SGCZ: variants seen among roughly 807,000 people sequenced by gnomAD.
The protein encoded by SGCZ is sarcoglycan zeta.
In SGCZ, 40 loss-of-function variants were observed where a neutral mutation model predicts 41.3. That is an observed-to-expected ratio of 0.97 (90% CI 0.75 to 1.26). The LOEUF is 1.26. Among genes scored for constraint, SGCZ ranks in the 50% most tolerant of loss-of-function variants. SGCZ has a pLI of 0.00. For missense variants in SGCZ, 552 were observed against 369.8 expected (o/e 1.49, Z -4.04); for synonymous variants, 206 against 137.5 (o/e 1.50, Z -3.49).
intron 2 of SGCZ, among the ~76,000 whole-genome samples, chr8:14,493,427 C>T (rs1470743430): frequency 8.8e-6 from 1 of 113,596 alleles, no homozygotes; most frequent in African/African-American, 3.4e-5. Context: ...AGTACAGCGG[C>T]ATGATCTCGG....
chr8:14,941,979 T>C (rs1424387976), intron 1 of SGCZ, among the ~76,000 whole-genome samples: 3 of 151,988 alleles, frequency 2.0e-5, no homozygotes, highest in Admixed American at 1.3e-4. Context: ...CTGTTCCATG[T>C]ATATCATCAT....
intron 2 of SGCZ, among the ~76,000 whole-genome samples, chr8:14,443,496 A>G (rs1800335759): frequency 6.6e-6 from 1 of 152,154 alleles, no homozygotes; most frequent in Admixed American, 6.5e-5. Flanking sequence ...GAGCCCTCAG[A>G]AATAACACCG....
At chr8:14,848,343 T>C (rs562937512) in intron 1 of SGCZ, among the ~76,000 whole-genome samples, 24 of 152,284 alleles carry the variant, frequency 1.6e-4, no homozygotes, top group Non-Finnish European at 2.1e-4. Flanking sequence ...TCTGTGGAAA[T>C]TGACAAAATC....
chr8:15,209,753 A>G (rs1032926206), intron 1 of SGCZ, among the ~76,000 whole-genome samples: 1 of 138,022 alleles, frequency 7.2e-6, no homozygotes, highest in Non-Finnish European at 1.6e-5. Flanking sequence ...GACAGATACC[A>G]GTAGTTGCCT....
At chr8:14,599,678 C>T (rs1387648848) in intron 1 of SGCZ, among the ~76,000 whole-genome samples, 1 of 152,114 alleles carries the variant, frequency 6.6e-6, no homozygotes, top group Non-Finnish European at 1.5e-5. Context: ...TAAATTCTGC[C>T]TTTCTTTTCC....
In SGCZ at chr8:15,217,576, C is replaced by A. The variant is rs530233060; in HGVS notation, c.39+20009G>T. On this transcript the variant is annotated intron_variant, in intron 1 of 7. Coordinates refer to ENST00000382080, the MANE Select transcript of SGCZ (RefSeq NM_139167.4). ...GGAGGGTTATAACCAAGATTCTTGCCCCCCCTTGTCCCAATTTGCATACTT... is the reference window on the plus strand; with the variant it reads ...GGAGGGTTATAACCAAGATTCTTGCACCCCCTTGTCCCAATTTGCATACTT... Among the ~76,000 whole-genome samples, 5 of 151,882 alleles carry A rather than the reference C, an allele frequency of 3.3e-5. 1 individual carries two copies. The highest frequency in any genetic ancestry group is 2.1e-4 in the South Asian group (1 of 4,812).
At chr8:14,989,392 G>A (rs1326983525) in intron 1 of SGCZ, among the ~76,000 whole-genome samples, 1 of 152,060 alleles carries the variant, frequency 6.6e-6, no homozygotes, top group African/African-American at 2.4e-5. Flanking sequence ...AGGCTGAGGT[G>A]GGAGGATTGC....
chr8:15,134,180 A>T (rs1449533891), intron 1 of SGCZ, among the ~76,000 whole-genome samples: 1 of 152,172 alleles, frequency 6.6e-6, no homozygotes, highest in Non-Finnish European at 1.5e-5. Flanking sequence ...TTCCCTTTAC[A>T]GTAAAAACAA....
At chr8:14,860,060 T>A (rs1049857603) in intron 1 of SGCZ, among the ~76,000 whole-genome samples, 1 of 151,410 alleles carries the variant, frequency 6.6e-6, no homozygotes, top group Non-Finnish European at 1.5e-5. Context: ...ATCCTTTAGG[T>A]TCCCTCTCCA....
chr8:14,675,852 G>T (rs1808261208), intron 1 of SGCZ, among the ~76,000 whole-genome samples: 1 of 152,142 alleles, frequency 6.6e-6, no homozygotes, highest in Non-Finnish European at 1.5e-5. Context: ...TGCAGATTTG[G>T]GGGACCCAAA....
At chr8:14,365,816 T>C (rs993017772) in intron 2 of SGCZ, among the ~76,000 whole-genome samples, 1 of 152,174 alleles carries the variant, frequency 6.6e-6, no homozygotes. Context: ...GATAAGGCTG[T>C]TAATAAAATC....
chr8:15,163,496 G>C (rs1799572733), intron 1 of SGCZ, among the ~76,000 whole-genome samples: 1 of 152,064 alleles, frequency 6.6e-6, no homozygotes, highest in Non-Finnish European at 1.5e-5. Context: ...GTTTTGTTTT[G>C]TTATTGACTG....
At chr8:14,850,646 A>T (rs138189388) in intron 1 of SGCZ, among the ~76,000 whole-genome samples, 37 of 152,306 alleles carry the variant, frequency 2.4e-4, no homozygotes, top group African/African-American at 8.9e-4. Flanking sequence ...CATGTATGAC[A>T]TGGTTAGGCT....
At chr8:14,907,447 C>G (rs2130770675) in intron 1 of SGCZ, among the ~76,000 whole-genome samples, 1 of 152,242 alleles carries the variant, frequency 6.6e-6, no homozygotes, top group African/African-American at 2.4e-5. Flanking sequence ...CTCAGCCTCT[C>G]AAAGTGCTAG....
At chr8:14,339,551 G>A (rs370857859) in intron 2 of SGCZ, among the ~76,000 whole-genome samples, 5 of 152,132 alleles carry the variant, frequency 3.3e-5, no homozygotes, top group African/African-American at 1.2e-4. Context: ...CGAATCAGTT[G>A]CCATATCCTA....
intron 1 of SGCZ, among the ~76,000 whole-genome samples, chr8:15,175,317 G>A (rs1301467035): frequency 2.0e-5 from 3 of 151,848 alleles, no homozygotes; most frequent in Non-Finnish European, 4.4e-5. Flanking sequence ...TAAAGAAAAT[G>A]TGATACCTGT....
At chr8:14,254,439 G>A (rs1735838827) in intron 3 of SGCZ, among the ~76,000 whole-genome samples, 1 of 152,188 alleles carries the variant, frequency 6.6e-6, no homozygotes, top group South Asian at 2.1e-4. Context: ...CTGGGGGCCA[G>A]GTGTAGGTAG....
intron 4 of SGCZ, among the ~76,000 whole-genome samples, chr8:14,186,929 G>T (rs888997581): frequency 6.6e-6 from 1 of 152,108 alleles, no homozygotes; most frequent in Non-Finnish European, 1.5e-5. Flanking sequence ...ACTATTCCTG[G>T]AAAAAAGTTG....
chr8:14,923,325 C>T (rs765562581), intron 1 of SGCZ, among the ~76,000 whole-genome samples: 5 of 152,198 alleles, frequency 3.3e-5, no homozygotes, highest in Non-Finnish European at 5.9e-5. Context: ...CCATTGAGTG[C>T]ATGTATTTCT....
Sources: gnomAD v4.1 joint callset for allele counts (sites outside exome capture counted in the v4.1 genomes callset) on GRCh38, gnomAD v4.1.1 for gene constraint, MANE v1.5 for transcripts, NCBI Gene and HGNC (gene_info 2026-07-23, HGNC 2026-07-21) for gene names.